Variants in PPP6R3 observed in about 807,000 individuals in gnomAD.
PPP6R3 encodes serine/threonine-protein phosphatase 6 regulatory subunit 3.
Under a neutral mutation model 110.7 loss-of-function variants are expected in PPP6R3, and 38 were observed. The ratio of observed to expected loss-of-function variants is 0.34; its 90% CI spans 0.26 to 0.45. The LOEUF (loss-of-function observed/expected upper bound fraction) is 0.45. PPP6R3 is among the 20% of genes least tolerant of loss of function. The probability of loss-of-function intolerance (pLI) is 1.00; values close to 1 mark genes in which losing one functional copy is unlikely to be tolerated. For missense variants in PPP6R3, 870 were observed against 1,062.4 expected (o/e 0.82, Z 2.52); for synonymous variants, 369 against 373.5 (o/e 0.99, Z 0.14).
chr11:68,499,492 A>G (rs973994177), intron 1 of PPP6R3, among the ~76,000 whole-genome samples: 5 of 152,124 alleles, frequency 3.3e-5, no homozygotes, highest in East Asian at 1.9e-4. Context: ...AGTGGAAGCT[A>G]TCATTTTTGT....
chr11:68,554,261 T>C lies in PPP6R3; in HGVS notation c.731+4T>C, dbSNP rs766092322. The stretch of plus-strand genomic sequence containing the variant: ...CCCTGCTTGCCACTCTAGAAAAGTA[T>C]GTGTAAAACTCTGTTCTTGTTCTTC... On this transcript the variant is annotated splice_donor_region_variant and intron_variant, in intron 7 of 23. Coordinates refer to ENST00000393800, the MANE Select transcript of PPP6R3 (RefSeq NM_001164161.2). The C allele has an allele frequency of 1.7e-5, 27 of 1,587,932 alleles. No homozygotes were observed. The highest frequency in any genetic ancestry group is 1.7e-4 in the Middle Eastern group (1 of 6,014).
At chr11:68,586,082 A>G (rs11228288) in intron 15 of PPP6R3, among the ~76,000 whole-genome samples, 56,764 of 151,524 alleles carry the variant, frequency 0.37, 11,664 homozygotes, top group African/African-American at 0.54. Context: ...TCTAGCCTGG[A>G]CAACATGGCA....
chr11:68,545,867 A>G (rs778301138), intron 4 of PPP6R3, among the ~76,000 whole-genome samples: 2 of 152,234 alleles, frequency 1.3e-5, no homozygotes, highest in Non-Finnish European at 2.9e-5. Context: ...GAACAACTAG[A>G]GCCTCAGATA....
rs1944880178 is a variant in PPP6R3, at chr11:68,614,688, A to G, written c.*1571A>G. On this transcript the variant is annotated 3_prime_UTR_variant, in exon 24 of 24. Transcript: ENST00000393800. ...TGGAGTCAGCAGTAAGCCCTGGGAC[A>G]GGTGGCAAGGGTGGGTCCCTTGACC... is the stretch of plus-strand genomic sequence containing the variant. 1 of 1,523,954 alleles carries G rather than the reference A, an allele frequency of 6.6e-7. No individual in the cohort carries two copies. The highest frequency in any genetic ancestry group is 8.8e-7 in the Non-Finnish European group (1 of 1,138,612). 94.4% of individuals were successfully genotyped at this position (1,523,954 alleles called of 1,614,324 possible). A position where few individuals can be genotyped will look rare whatever the true frequency, so the allele number is the denominator to read the frequency against.
chr11:68,554,552 T>C (rs2099392354), intron 7 of PPP6R3, among the ~76,000 whole-genome samples: 1 of 152,236 alleles, frequency 6.6e-6, no homozygotes, highest in Non-Finnish European at 1.5e-5. Flanking sequence ...AGTCACAGCT[T>C]CCAAGGGTCT....
intron 16 of PPP6R3, among the ~76,000 whole-genome samples, chr11:68,589,951 A>G (rs892900191): frequency 2.0e-5 from 3 of 152,140 alleles, no homozygotes; most frequent in South Asian, 4.1e-4. Context: ...GGAGCATTCT[A>G]CTCAGGCTAG....
intron 1 of PPP6R3, among the ~76,000 whole-genome samples, chr11:68,479,252 C>G (rs558347087): frequency 6.6e-6 from 1 of 152,064 alleles, no homozygotes; most frequent in Admixed American, 6.6e-5. Flanking sequence ...TACCTGTAAC[C>G]GCTATTAAAC....
At chr11:68,494,075 C>T (rs1373997416) in intron 1 of PPP6R3, among the ~76,000 whole-genome samples, 2 of 148,568 alleles carry the variant, frequency 1.3e-5, no homozygotes, top group Non-Finnish European at 3.0e-5. Flanking sequence ...TGTACTCCAG[C>T]CTGGGCAGCT....
At chr11:68,571,465 C>T (rs184624779) in intron 12 of PPP6R3, among the ~76,000 whole-genome samples, 59 of 152,278 alleles carry the variant, frequency 3.9e-4, no homozygotes, top group African/African-American at 1.4e-3. Flanking sequence ...ATGCTCAGAA[C>T]AGAAGGTATC....
chr11:68,539,389 C>G (rs1193400167), intron 3 of PPP6R3, among the ~76,000 whole-genome samples: 4 of 152,138 alleles, frequency 2.6e-5, no homozygotes, highest in Non-Finnish European at 4.4e-5. Flanking sequence ...TACTGCGCAC[C>G]CCCCGCCGTT....
At chr11:68,551,287 A>C (rs749666097) in intron 6 of PPP6R3, 101 bp downstream of exon 6, 1 of 853,514 alleles carries the variant, frequency 1.2e-6, no homozygotes, top group Non-Finnish European at 1.9e-6. Context: ...ACATGATCAG[A>C]GCATACAGGG....
chr11:68,516,822 G>A (rs544846684), intron 1 of PPP6R3, among the ~76,000 whole-genome samples: 5 of 152,208 alleles, frequency 3.3e-5, no homozygotes, highest in Admixed American at 6.5e-5. Context: ...CCAATAGTGC[G>A]CAAGAGTTCC....
At position 68,614,876 on chromosome 11, in the gene PPP6R3, G is replaced by A. The variant is rs772231527; in HGVS notation, c.*1759G>A. 2.9e-5 allele frequency: 26 copies of A among 907,716 alleles called. No homozygotes were observed. The South Asian group carries it at 3.2e-4, about 11-fold the overall frequency. The allele number at this position is 907,716 out of a possible 1,614,324, so 56.2% of individuals were successfully genotyped here. A position where few individuals can be genotyped will look rare whatever the true frequency, so the allele number is the denominator to read the frequency against. On this transcript the variant is annotated 3_prime_UTR_variant, in exon 24 of 24. Coordinates refer to ENST00000393800, the MANE Select transcript of PPP6R3 (RefSeq NM_001164161.2). ...CGTTGGACCTCGGGGATTACTGGTA[G>A]ATAATATGCTCTGGTCTCGCCTGGT...
chr11:68,540,460 C>T (rs993059652), intron 3 of PPP6R3, among the ~76,000 whole-genome samples: 3 of 152,110 alleles, frequency 2.0e-5, no homozygotes, highest in Non-Finnish European at 2.9e-5. Flanking sequence ...TATCACAAGG[C>T]AAGTGGAGGC....
At chr11:68,601,782 T>A in intron 20 of PPP6R3, 81 bp from the exon 21 acceptor site, 3 of 1,173,338 alleles carry the variant, frequency 2.6e-6, no homozygotes, top group Non-Finnish European at 3.7e-6. Context: ...AAAAACTTAC[T>A]TGTAAAGGCT....
At chr11:68,528,431 T>TGGG (rs1475629292) in intron 2 of PPP6R3, among the ~76,000 whole-genome samples, 7 of 36,042 alleles carry the variant, frequency 1.9e-4, no homozygotes, top group African/African-American at 4.3e-4. Flanking sequence ...AATTTGTGTG[T>TGGG]GTGGGGGGGG....
At chr11:68,528,224 A>G (rs1298281863) in intron 2 of PPP6R3, among the ~76,000 whole-genome samples, 2 of 152,206 alleles carry the variant, frequency 1.3e-5, no homozygotes, top group African/African-American at 4.8e-5. Context: ...TCTCAAAGAA[A>G]TGCTTGAAAT....
At chr11:68,488,871 C>T (rs547379681) in intron 1 of PPP6R3, 1 of 152,214 alleles carries the variant, frequency 6.6e-6, no homozygotes, top group East Asian at 1.9e-4. Flanking sequence ...CAGCTAGGTT[C>T]CTTGTAGACA....
chr11:68,534,038 T>TTAGC (rs1234747658), intron 2 of PPP6R3, among the ~76,000 whole-genome samples: 1 of 152,152 alleles, frequency 6.6e-6, no homozygotes, highest in African/African-American at 2.4e-5. Flanking sequence ...TCCTCAGCAT[T>TTAGC]TAGCTAGATA....
Sources: gnomAD v4.1 joint callset for allele counts (sites outside exome capture counted in the v4.1 genomes callset) on GRCh38, gnomAD v4.1.1 for gene constraint, MANE v1.5 for transcripts, NCBI Gene and HGNC (gene_info 2026-07-23, HGNC 2026-07-21) for gene names.